PLCL1: variants seen among roughly 807,000 people sequenced by gnomAD.
PLCL1 encodes the protein inactive phospholipase C-like protein 1.
A neutral mutation model predicts 84.4 loss-of-function variants in PLCL1; 41 were observed. The observed-to-expected ratio is 0.49, with a 90% CI of 0.38 to 0.63. The LOEUF is 0.63. Ranked by LOEUF, PLCL1 falls within the 30% of genes least tolerant of loss-of-function variation. The pLI is 0.00. For synonymous variants in PLCL1, 490 were observed against 488.3 expected, an observed-to-expected ratio of 1.00 and a Z score of -0.05; for missense variants, 1,206 against 1,367.8, an observed-to-expected ratio of 0.88 and a Z score of 1.87.
chr2:198,105,149 G>C (rs1045082499), intron 5 of PLCL1, among the ~76,000 whole-genome samples: 2 of 151,948 alleles, frequency 1.3e-5, no homozygotes, highest in African/African-American at 4.8e-5. Flanking sequence ...TATAGTTTTA[G>C]GTTTTACATT....
intron 1 of PLCL1, among the ~76,000 whole-genome samples, chr2:198,014,774 C>T (rs1219407270): frequency 6.6e-6 from 1 of 152,102 alleles, no homozygotes; most frequent in African/African-American, 2.4e-5. Flanking sequence ...AAATAATTCA[C>T]TTAATACTAG....
At chr2:197,842,466 G>T (rs1687024624) in intron 1 of PLCL1, among the ~76,000 whole-genome samples, 1 of 151,948 alleles carries the variant, frequency 6.6e-6, no homozygotes, top group Admixed American at 6.6e-5. Flanking sequence ...CCTCAAAATT[G>T]CCATCCCCCA....
intron 1 of PLCL1, among the ~76,000 whole-genome samples, chr2:197,926,732 T>G (rs1408043740): frequency 8.5e-5 from 13 of 152,200 alleles, no homozygotes; most frequent in Admixed American, 8.5e-4. Flanking sequence ...AGCCTTCTGG[T>G]TATCAGTTGC....
intron 5 of PLCL1, among the ~76,000 whole-genome samples, chr2:198,143,970 T>A (rs1424269202): frequency 6.6e-6 from 1 of 152,100 alleles, no homozygotes; most frequent in Non-Finnish European, 1.5e-5. Flanking sequence ...GATGTAGTTG[T>A]GTTAGTTATG....
At position 197,805,029 on chromosome 2, in the gene PLCL1, C is replaced by T; in HGVS notation, c.-71C>T. ...GCCGCCTCCCGGTGCAGGAGCGCAC[C>T]GGTGCCTAGCGGCTGGACTCCGCTG... On this transcript the variant is annotated 5_prime_UTR_variant, in exon 1 of 6. Coordinates refer to ENST00000428675, the MANE Select transcript of PLCL1 (RefSeq NM_006226.4). This position sits in a 1 kb window ranked among gnomAD's most constrained non-coding sequence, Gnocchi z 4.0. 1 of 1,409,936 alleles carries T rather than the reference C, an allele frequency of 7.1e-7. No individual in the cohort carries two copies. The highest frequency in any genetic ancestry group is 9.2e-7 in the Non-Finnish European group (1 of 1,084,844). 87.3% of individuals were successfully genotyped at this position (1,409,936 alleles called of 1,614,324 possible). A position where few individuals can be genotyped will look rare whatever the true frequency, so the allele number is the denominator to read the frequency against.
At chr2:197,918,936 G>GGC (rs1688649365) in intron 1 of PLCL1, among the ~76,000 whole-genome samples, 1 of 83,160 alleles carries the variant, frequency 1.2e-5, no homozygotes, top group Non-Finnish European at 2.8e-5. Context: ...CGGAGACCCT[G>GGC]TCTCTCTCTC....
intron 1 of PLCL1, among the ~76,000 whole-genome samples, chr2:197,998,173 C>CTGTG (rs1332006979): frequency 9.0e-5 from 7 of 77,430 alleles, no homozygotes; most frequent in South Asian, 5.6e-4. Flanking sequence ...AAGAATGGAG[C>CTGTG]TATGTGTGTG....
rs115523468 is a variant in PLCL1, at chr2:197,943,320, T to C, written c.240+137981T>C. On this transcript the variant is annotated intron_variant, in intron 1 of 5. Coordinates refer to ENST00000428675, the MANE Select transcript of PLCL1 (RefSeq NM_006226.4). ...AATTTTAAAAATTATGGTGAAAGTA[T>C]TACATGAAAATAATTATTAAATACT... Among the ~76,000 whole-genome samples, 1,450 of 152,158 alleles carry C rather than the reference T, an allele frequency of 9.5e-3. 26 individuals are homozygous for C. Among genetic ancestry groups the C allele is most frequent in the African/African-American group, 0.033 (1,379 of 41,512 alleles).
chr2:197,956,321 T>G (rs1689493061), intron 1 of PLCL1, among the ~76,000 whole-genome samples: 1 of 152,178 alleles, frequency 6.6e-6, no homozygotes, highest in Non-Finnish European at 1.5e-5. Flanking sequence ...AGTCAGTCAT[T>G]GATGGGCATT....
chr2:197,901,121 T>C (rs959960728), intron 1 of PLCL1, among the ~76,000 whole-genome samples: 1 of 152,230 alleles, frequency 6.6e-6, no homozygotes, highest in Non-Finnish European at 1.5e-5. Flanking sequence ...GTTTCTAAAG[T>C]GTACCCCTTT....
intron 1 of PLCL1, among the ~76,000 whole-genome samples, chr2:197,858,159 A>T (rs1327917609): frequency 6.6e-6 from 1 of 152,174 alleles, no homozygotes; most frequent in Non-Finnish European, 1.5e-5. Context: ...TATGTGATCT[A>T]TTGGTAGGGA....
rs1689016381 is a variant in PLCL1 at position 197,934,761 on chromosome 2, C to A, written c.240+129422C>A. Among the ~76,000 whole-genome samples the A allele has an allele frequency of 2.0e-5, 3 of 152,116 alleles. No homozygotes were observed. The South Asian group carries it at 6.2e-4, about 32-fold the overall frequency. On this transcript the variant is annotated intron_variant, in intron 1 of 5. Coordinates refer to ENST00000428675, the MANE Select transcript of PLCL1 (RefSeq NM_006226.4). ...ATCAAGCAAATTAACATATCAGTCA[C>A]CTCACATACGTATCATTCTTTGTGA...
chr2:198,020,325 A>G (rs907635746), intron 1 of PLCL1, among the ~76,000 whole-genome samples: 1 of 152,230 alleles, frequency 6.6e-6, no homozygotes, highest in East Asian at 1.9e-4. Flanking sequence ...AAGAAACTAC[A>G]TCAACTAATC....
intron 1 of PLCL1, among the ~76,000 whole-genome samples, chr2:198,036,112 G>A (rs1311280331): frequency 6.6e-6 from 1 of 152,152 alleles, no homozygotes; most frequent in Non-Finnish European, 1.5e-5. Flanking sequence ...GTTGTTTGAG[G>A]CAAGAATCAT....
chr2:197,963,190 A>ATTGTACTAATTTACAACCACTG (rs1689658360), intron 1 of PLCL1, among the ~76,000 whole-genome samples: 1 of 151,784 alleles, frequency 6.6e-6, no homozygotes, highest in South Asian at 2.1e-4. Context: ...TACAACCACT[A>ATTGTACTAATTTACAACCACTG]TGGATTGTAC....
At chr2:197,903,335 A>T (rs1688303744) in intron 1 of PLCL1, among the ~76,000 whole-genome samples, 1 of 152,156 alleles carries the variant, frequency 6.6e-6, no homozygotes, top group South Asian at 2.1e-4. Context: ...GATGAGCCCC[A>T]GTTTGCCTAC....
At chr2:197,945,847 C>T (rs998942085) in intron 1 of PLCL1, among the ~76,000 whole-genome samples, 1 of 152,122 alleles carries the variant, frequency 6.6e-6, no homozygotes, top group Non-Finnish European at 1.5e-5. Flanking sequence ...CATTGGTTAA[C>T]ACCTGTCCAG....
At chr2:198,060,698 T>G (rs1439865461) in intron 1 of PLCL1, among the ~76,000 whole-genome samples, 1 of 152,226 alleles carries the variant, frequency 6.6e-6, no homozygotes, top group Non-Finnish European at 1.5e-5. Flanking sequence ...ATAGTTCAAA[T>G]TTATGTTTTG....
rs903527291 is a variant in PLCL1 at position 197,805,056 on chromosome 2, C to T, written c.-44C>T. On this transcript the variant is annotated 5_prime_UTR_variant, in exon 1 of 6. Transcript: ENST00000428675. This position sits in a 1 kb window ranked among gnomAD's most constrained non-coding sequence, Gnocchi z 4.0. ...GTGCCTAGCGGCTGGACTCCGCTGC[C>T]GGGCGTCCCGCTTTCCCCCGGGGAG... The T allele has an allele frequency of 1.4e-6, 2 of 1,419,282 alleles. No homozygotes were observed. The highest frequency in any genetic ancestry group is 1.4e-5 in the South Asian group (1 of 69,132). 87.9% of individuals were successfully genotyped at this position (1,419,282 alleles called of 1,614,324 possible). A position where few individuals can be genotyped will look rare whatever the true frequency, so the allele number is the denominator to read the frequency against.
Sources: allele counts gnomAD v4.1 joint callset (sites outside exome capture counted in the v4.1 genomes callset), GRCh38; gene constraint gnomAD v4.1.1; non-coding constraint Gnocchi (gnomAD v3.1); transcripts MANE v1.5; gene names NCBI Gene and HGNC (gene_info 2026-07-23, HGNC 2026-07-21).